CCDC192: variants seen among roughly 807,000 people sequenced by gnomAD.
CCDC192 encodes the protein coiled-coil domain containing 192, also known as coiled-coil domain-containing protein 192.
At chr5:127,771,280 G>C (rs1405402553) in intron 3 of CCDC192, among the ~76,000 whole-genome samples, 1 of 152,118 alleles carries the variant, frequency 6.6e-6, no homozygotes, top group Non-Finnish European at 1.5e-5. Context: ...CTATGACCTT[G>C]TTTGAGTTTG....
intron 2 of CCDC192, among the ~76,000 whole-genome samples, chr5:127,709,437 C>T (rs1751196090): frequency 6.6e-6 from 1 of 152,128 alleles, no homozygotes; most frequent in Admixed American, 6.5e-5. Context: ...TGGACAGGGA[C>T]ACAGATCCAA....
At chr5:127,810,777 A>G (rs538514190) in intron 5 of CCDC192, among the ~76,000 whole-genome samples, 2 of 152,222 alleles carry the variant, frequency 1.3e-5, no homozygotes, top group South Asian at 4.1e-4. Context: ...ATAAAATCAA[A>G]TCTGACTCAG....
intron 3 of CCDC192, among the ~76,000 whole-genome samples, chr5:127,769,519 G>T (rs1392339191): frequency 6.6e-6 from 1 of 152,064 alleles, no homozygotes; most frequent in East Asian, 1.9e-4. Context: ...TACCTAATGA[G>T]ATTACTTAGA....
At chr5:127,870,288 T>C (rs561876374) in intron 5 of CCDC192, among the ~76,000 whole-genome samples, 2 of 152,358 alleles carry the variant, frequency 1.3e-5, no homozygotes, top group South Asian at 4.1e-4. Flanking sequence ...TCTAAAGATA[T>C]CTTGGCAACT....
At chr5:127,847,526 C>T (rs1448298195) in intron 5 of CCDC192, among the ~76,000 whole-genome samples, 2 of 152,088 alleles carry the variant, frequency 1.3e-5, no homozygotes, top group African/African-American at 4.8e-5. Context: ...TTTGACTTCC[C>T]TCATAACTAA....
intron 5 of CCDC192, among the ~76,000 whole-genome samples, chr5:127,864,287 G>A (rs1035280048): frequency 6.6e-6 from 1 of 152,148 alleles, no homozygotes; most frequent in African/African-American, 2.4e-5. Flanking sequence ...CAGACTCTGG[G>A]AAGTTGTGAC....
At chr5:127,809,223 C>A (rs1757949986) in intron 5 of CCDC192, among the ~76,000 whole-genome samples, 1 of 151,570 alleles carries the variant, frequency 6.6e-6, no homozygotes, top group Non-Finnish European at 1.5e-5. Flanking sequence ...TAATAAGATG[C>A]AAATGTGTGA....
At chr5:127,899,758 C>T (rs1460871023) in intron 6 of CCDC192, among the ~76,000 whole-genome samples, 4 of 152,106 alleles carry the variant, frequency 2.6e-5, no homozygotes, top group Non-Finnish European at 5.9e-5. Flanking sequence ...AAAATCACAG[C>T]AAGTTCTCAA....
chr5:127,786,119 A>G lies in CCDC192; in HGVS notation c.223-10984A>G. 9 of 1,041,708 alleles carry G rather than the reference A, an allele frequency of 8.6e-6. No individual in the cohort carries two copies. In the South Asian group the frequency reaches 1.1e-4, roughly 12 times the overall value. The allele number at this position is 1,041,708 out of a possible 1,614,324, so 64.5% of individuals were successfully genotyped here. On this transcript the variant is annotated intron_variant, in intron 3 of 6. Coordinates refer to ENST00000514853, the MANE Select transcript of CCDC192 (RefSeq NM_001317938.2). Reference sequence around the variant, plus strand: ...AAATCTTCATTTTTGTCAGCATCCAATAAATTCTGAAGTTCTGTGTGGAAA... The same window carrying G: ...AAATCTTCATTTTTGTCAGCATCCAGTAAATTCTGAAGTTCTGTGTGGAAA...
intron 6 of CCDC192, among the ~76,000 whole-genome samples, chr5:127,900,839 T>C (rs1323042107): frequency 6.6e-6 from 1 of 152,208 alleles, no homozygotes; most frequent in Non-Finnish European, 1.5e-5. Flanking sequence ...ATTAAAGCAG[T>C]ACTGTATAAA....
intron 5 of CCDC192, among the ~76,000 whole-genome samples, chr5:127,798,925 C>T (rs1319274283): frequency 6.6e-6 from 1 of 152,100 alleles, no homozygotes; most frequent in Non-Finnish European, 1.5e-5. Flanking sequence ...ATAAGCATCT[C>T]CTGCCACAAT....
At chr5:127,931,611 A>T (rs1298743818) in intron 6 of CCDC192, among the ~76,000 whole-genome samples, 2 of 152,112 alleles carry the variant, frequency 1.3e-5, no homozygotes, top group African/African-American at 4.8e-5. Flanking sequence ...GGTCAGCAGA[A>T]ATTCACTTGT....
chr5:127,864,942 T>C (rs1751539703), intron 5 of CCDC192, among the ~76,000 whole-genome samples: 1 of 152,092 alleles, frequency 6.6e-6, no homozygotes, highest in Non-Finnish European at 1.5e-5. Flanking sequence ...GGTCAGGAGA[T>C]TGAGGCCATC....
chr5:127,751,211 G>C (rs945700966), intron 2 of CCDC192, among the ~76,000 whole-genome samples: 6 of 151,878 alleles, frequency 4.0e-5, no homozygotes, highest in Non-Finnish European at 7.4e-5. Flanking sequence ...TCCTAGTCTC[G>C]ATGGTCTTTA....
chr5:127,876,342 G>A (rs568104028), intron 6 of CCDC192, among the ~76,000 whole-genome samples: 23 of 152,260 alleles, frequency 1.5e-4, no homozygotes, highest in African/African-American at 5.1e-4. Context: ...ATTTTGCTAA[G>A]CATTCCATGT....
chr5:127,743,118 A>G (rs746596314), intron 2 of CCDC192, among the ~76,000 whole-genome samples: 2 of 152,028 alleles, frequency 1.3e-5, no homozygotes, highest in Admixed American at 6.6e-5. Flanking sequence ...GGATGAGAAG[A>G]GAGAAGGTCA....
At chr5:127,930,534 A>T (rs1407523174) in intron 6 of CCDC192, among the ~76,000 whole-genome samples, 2 of 152,284 alleles carry the variant, frequency 1.3e-5, no homozygotes, top group African/African-American at 4.8e-5. Context: ...GGTCCTACTC[A>T]TAGGAGGAAG....
At chr5:127,818,174 G>A (rs568172658) in intron 5 of CCDC192, among the ~76,000 whole-genome samples, 1 of 152,172 alleles carries the variant, frequency 6.6e-6, no homozygotes, top group African/African-American at 2.4e-5. Flanking sequence ...TTGCACTCTG[G>A]AATAAATAAA....
chr5:127,897,425 T>A (rs980656658), intron 6 of CCDC192, among the ~76,000 whole-genome samples: 4 of 152,172 alleles, frequency 2.6e-5, no homozygotes, highest in Non-Finnish European at 5.9e-5. Flanking sequence ...CATTGAAGTA[T>A]TTAGCTGGAT....
Sources: gnomAD v4.1 joint callset for allele counts (sites outside exome capture counted in the v4.1 genomes callset) on GRCh38, gnomAD v4.1.1 for gene constraint, MANE v1.5 for transcripts, NCBI Gene and HGNC (gene_info 2026-07-23, HGNC 2026-07-21) for gene names.